The following ZNF805 variants were observed in gnomAD, a reference collection of about 807,000 sequenced individuals.
The protein encoded by ZNF805 is zinc finger protein 805.
In ZNF805, 7 loss-of-function variants were observed where a neutral mutation model predicts 13.6. The ratio of observed to expected loss-of-function variants is 0.51; its 90% CI spans 0.29 to 0.97. The LOEUF is 0.97. Ranked by LOEUF, ZNF805 falls within the 50% of genes least tolerant of loss-of-function variation. ZNF805 has a pLI of 0.08. For missense variants in ZNF805, 604 were observed against 771.0 expected (o/e 0.78, Z 2.57); for synonymous variants, 293 against 279.8 (o/e 1.05, Z -0.47).
In ZNF805 at chr19:57,257,870, C is replaced by CT. The variant is rs1408221236; in HGVS notation, c.*3168dup. 6.6e-6 allele frequency among the ~76,000 whole-genome samples: 1 copy of CT among 151,758 alleles called. No homozygotes were observed. The highest frequency in any genetic ancestry group is 1.5e-5 in the Non-Finnish European group (1 of 67,960). ...TACAGGCATCCGCCACCATGCCTGA[C>CT]TGATTTTTTGTATTTTTAGTAGAGA... On this transcript the variant is annotated 3_prime_UTR_variant, in exon 4 of 4. Coordinates refer to ENST00000414468, the MANE Select transcript of ZNF805 (RefSeq NM_001023563.4).
rs187600441 is a variant in ZNF805 at position 57,258,731 on chromosome 19, A to T, written c.*4028A>T. ...AATTTTTGCTTCCACTGTCAAATATATTTTACAAAAGTCACAGGAAGTATT... is the reference window on the plus strand; with the variant it reads ...AATTTTTGCTTCCACTGTCAAATATTTTTTACAAAAGTCACAGGAAGTATT... On this transcript the variant is annotated 3_prime_UTR_variant, in exon 4 of 4. Transcript: ENST00000414468. 2.6e-3 allele frequency among the ~76,000 whole-genome samples: 395 copies of T among 152,264 alleles called. 3 individuals carry two copies. Among genetic ancestry groups the T allele is most frequent in the African/African-American group, 8.7e-3 (363 of 41,562 alleles).
intron 3 of ZNF805, among the ~76,000 whole-genome samples, chr19:57,250,274 C>G (rs1005525168): frequency 6.6e-6 from 1 of 152,152 alleles, no homozygotes; most frequent in African/African-American, 2.4e-5. Context: ...CTCTTGTTGC[C>G]CAGGCTGGAG....
At chr19:57,243,415 A>G (rs1389304031) in intron 1 of ZNF805, among the ~76,000 whole-genome samples, 1 of 152,212 alleles carries the variant, frequency 6.6e-6, no homozygotes, top group Non-Finnish European at 1.5e-5. Context: ...GGAATTCTGT[A>G]TTCATCTGAA....
At position 57,254,940 on chromosome 19, in the gene ZNF805, CT is replaced by C; in HGVS notation, c.*241del. 2.0e-6 allele frequency: 1 copy of C among 507,534 alleles called. No individual in the cohort carries two copies. 31.4% of individuals were successfully genotyped at this position (507,534 alleles called of 1,614,324 possible). Reference sequence around the variant, plus strand: ...AAAAGAAAATGAAATGCAGACACTGCTTTTATACTGTTGTCTTGTATGTACA... The same window carrying C: ...AAAAGAAAATGAAATGCAGACACTGCTTTATACTGTTGTCTTGTATGTACA... On this transcript the variant is annotated 3_prime_UTR_variant, in exon 4 of 4. Transcript: ENST00000414468.
rs1284716921 is a variant in ZNF805 at position 57,261,041 on chromosome 19, A to G, written c.*6338A>G. On this transcript the variant is annotated 3_prime_UTR_variant, in exon 4 of 4. Coordinates refer to ENST00000414468, the MANE Select transcript of ZNF805 (RefSeq NM_001023563.4). ...TTGTCAAAGATTTCACAATTATGAA[A>G]TTTGGGTTTGGGGACTGGAAGCCAC... Among the ~76,000 whole-genome samples the G allele has an allele frequency of 3.9e-5, 6 of 152,200 alleles. No individual in the cohort carries two copies. The highest frequency in any genetic ancestry group is 8.8e-5 in the Non-Finnish European group (6 of 68,028).
chr19:57,252,832 G>A (rs573378850), intron 3 of ZNF805, among the ~76,000 whole-genome samples: 1 of 152,252 alleles, frequency 6.6e-6, no homozygotes, highest in African/African-American at 2.4e-5. Flanking sequence ...TGGAATTGAA[G>A]CGATATCTCC....
Position 57,254,597 on chromosome 19 carries a change from A to T in ZNF805, c.1778A>T (p.Asn593Ile), listed in dbSNP as rs780118750. The change falls in exon 4 of 4, where the codon AAC (asparagine) becomes ATC (isoleucine). Residue 593 changes from asparagine (N) to isoleucine (I), a missense_variant. Physicochemically the swap from Asn to Ile is moderately radical, Grantham distance 149 (BLOSUM62 -3). Transcript: ENST00000414468. ...ATCCAAGAACTTTTATTGGGGAAAA[A>T]CTTTTTGAATGTCACCACTGAGGAA... is the stretch of plus-strand genomic sequence containing the variant. ...VNIQELLLGK[N>I]FLNVTTEENL... 2 of 1,614,088 alleles carry T rather than the reference A, an allele frequency of 1.2e-6. No individual in the cohort carries two copies. The highest frequency in any genetic ancestry group is 8.5e-7 in the Non-Finnish European group (1 of 1,179,978).
intron 3 of ZNF805, among the ~76,000 whole-genome samples, chr19:57,251,338 A>G (rs2087650588): frequency 6.6e-6 from 1 of 152,182 alleles, no homozygotes; most frequent in South Asian, 2.1e-4. Context: ...ACAAAATATT[A>G]TCTGTTGTGC....
chr19:57,241,820 T>C (rs1209554484), intron 1 of ZNF805, among the ~76,000 whole-genome samples: 2 of 152,228 alleles, frequency 1.3e-5, no homozygotes, highest in Admixed American at 6.5e-5. Context: ...TTTCACATCT[T>C]GTTGGCTCTG....
intron 1 of ZNF805, among the ~76,000 whole-genome samples, chr19:57,242,618 G>C (rs1279879879): frequency 6.6e-6 from 1 of 152,218 alleles, no homozygotes; most frequent in African/African-American, 2.4e-5. Context: ...CTCAGGGAAG[G>C]AAAAGGCTAA....
At chr19:57,250,558 AT>A (rs1740646466) in intron 3 of ZNF805, among the ~76,000 whole-genome samples, 1 of 50,528 alleles carries the variant, frequency 2.0e-5, no homozygotes, top group Non-Finnish European at 6.5e-5. Context: ...CTAAACTCTT[AT>A]CATCTTTTTT....
intron 2 of ZNF805, among the ~76,000 whole-genome samples, chr19:57,245,560 A>G (rs1317987285): frequency 6.6e-6 from 1 of 150,678 alleles, no homozygotes; most frequent in Non-Finnish European, 1.5e-5. Flanking sequence ...TGGGCGGATC[A>G]CAAGGTCAGG....
Position 57,259,463 on chromosome 19 carries a change from T to A in ZNF805, c.*4760T>A, listed in dbSNP as rs2087710299. On this transcript the variant is annotated 3_prime_UTR_variant, in exon 4 of 4. Coordinates refer to ENST00000414468, the MANE Select transcript of ZNF805 (RefSeq NM_001023563.4). ...CTTGTCCAATGAGTTTTCGTTTTGG[T>A]TTTTGTATTTTTCAGTTGTTTAATT... 1.3e-5 allele frequency among the ~76,000 whole-genome samples: 2 copies of A among 152,076 alleles called. No individual in the cohort carries two copies. Among genetic ancestry groups the A allele is most frequent in the South Asian group, 4.1e-4 (2 of 4,830 alleles).
rs1184248325 is a variant in ZNF805, at chr19:57,254,649, C to T, written c.1830C>T (p.Tyr610=). The change falls in exon 4 of 4, where the codon TAC becomes TAT. Residue 610 remains tyrosine, a synonymous_variant. Coordinates refer to ENST00000414468, the MANE Select transcript of ZNF805 (RefSeq NM_001023563.4). ...ATCTTTTGCAAGAGGAAGCATCTTA[C>T]ATGGCATCTGATCGTACATACCAAA... ...EENLLQEEAS[Y]MASDRTYQRE... 6.2e-7 allele frequency: 1 copy of T among 1,614,016 alleles called. No individual in the cohort carries two copies. Among genetic ancestry groups the T allele is most frequent in the Non-Finnish European group, 8.5e-7 (1 of 1,179,984 alleles).
rs1390071386 is a variant in ZNF805, at chr19:57,258,516, A to G, written c.*3813A>G. On this transcript the variant is annotated 3_prime_UTR_variant, in exon 4 of 4. Transcript: ENST00000414468. ...GTGTTTTTTAAATATATTTCTTTGTATTTTTGTATTAATTTTTTAGTGGTT... is the reference window on the plus strand; with the variant it reads ...GTGTTTTTTAAATATATTTCTTTGTGTTTTTGTATTAATTTTTTAGTGGTT... Among the ~76,000 whole-genome samples, 2 of 66,608 alleles carry G rather than the reference A, an allele frequency of 3.0e-5. No individual in the cohort carries two copies. Among genetic ancestry groups the G allele is most frequent in the East Asian group, 4.8e-4 (2 of 4,146 alleles). The allele number at this position is 66,608 out of a possible 152,430, so 43.7% of individuals were successfully genotyped here.
At chr19:57,246,993 C>T (rs1312352494) in intron 2 of ZNF805, among the ~76,000 whole-genome samples, 1 of 151,588 alleles carries the variant, frequency 6.6e-6, no homozygotes, top group Non-Finnish European at 1.5e-5. Flanking sequence ...GAAGCTATCA[C>T]TGAATGTTTT....
rs1269973943 is a variant in ZNF805, at chr19:57,243,967, G to T, written c.75G>T (p.Glu25Asp). 3 of 1,614,044 alleles carry T rather than the reference G, an allele frequency of 1.9e-6. No individual in the cohort carries two copies. Among genetic ancestry groups the T allele is most frequent in the Admixed American group, 1.7e-5 (1 of 59,996 alleles). Reference protein sequence around the residue: ...FDDVAVTFTQEEWGQLDLAQR... With the variant: ...FDDVAVTFTQDEWGQLDLAQR... ...ATGTGGCTGTGACTTTCACCCAGGA[G>T]GAGTGGGGCCAGCTGGACCTAGCTC... Residue 25 changes from glutamate to aspartate, a missense_variant, in exon 2 of 4, where the codon GAG becomes GAT. This residue lies in a region of ZNF805 where 327 missense variants were observed against 378.2 expected (regional missense o/e 0.86). Coordinates refer to ENST00000414468, the MANE Select transcript of ZNF805 (RefSeq NM_001023563.4).
Position 57,262,102 on chromosome 19 carries a change from A to G in ZNF805, c.*7399A>G, listed in dbSNP as rs924664410. On this transcript the variant is annotated 3_prime_UTR_variant, in exon 4 of 4. Coordinates refer to ENST00000414468, the MANE Select transcript of ZNF805 (RefSeq NM_001023563.4). ...ATTTAGGCACACGGAGCTACTTCTCATTACTGGGAACAATGGGAAACTTCC... is the reference window on the plus strand; with the variant it reads ...ATTTAGGCACACGGAGCTACTTCTCGTTACTGGGAACAATGGGAAACTTCC... The G allele has an allele frequency of 3.6e-5, 6 of 166,844 alleles. No individual in the cohort carries two copies. The highest frequency in any genetic ancestry group is 1.4e-4 in the African/African-American group (6 of 41,452). The allele number at this position is 166,844 out of a possible 1,614,324, so 10.3% of individuals were successfully genotyped here.
rs56311072 is a variant in ZNF805, at chr19:57,258,007, A to ATT, written c.*3325_*3326dup. ...ACTGGTATGAGCAACCACGCACAGC[A>ATT]TTTTTTTTTTTTTTTTTTTTTTGAG... On this transcript the variant is annotated 3_prime_UTR_variant, in exon 4 of 4. Coordinates refer to ENST00000414468, the MANE Select transcript of ZNF805 (RefSeq NM_001023563.4). Among the ~76,000 whole-genome samples, 33 of 95,676 alleles carry ATT rather than the reference A, an allele frequency of 3.4e-4. No homozygotes were observed. The highest frequency in any genetic ancestry group is 1.8e-3 in the East Asian group (6 of 3,328). 62.8% of individuals were successfully genotyped at this position (95,676 alleles called of 152,430 possible). A position where few individuals can be genotyped will look rare whatever the true frequency, so the allele number is the denominator to read the frequency against.
Sources: allele counts gnomAD v4.1 joint callset (sites outside exome capture counted in the v4.1 genomes callset), GRCh38; gene constraint gnomAD v4.1.1; regional missense constraint gnomAD v4.1.1; transcripts MANE v1.5; gene names NCBI Gene and HGNC (gene_info 2026-07-23, HGNC 2026-07-21).